Variants in CPAMD8 observed in about 807,000 individuals in gnomAD.
CPAMD8 encodes C3 and PZP-like alpha-2-macroglobulin domain-containing protein 8.
In CPAMD8, 146 loss-of-function variants were observed where a neutral mutation model predicts 224.7. The ratio of observed to expected loss-of-function variants is 0.65; its 90% CI spans 0.57 to 0.75. CPAMD8 has a LOEUF of 0.75. Among genes scored for constraint, CPAMD8 ranks in the 30% least tolerant of loss-of-function variants. The pLI is 0.00. For missense variants in CPAMD8, 2,301 were observed against 2,537.5 expected, an observed-to-expected ratio of 0.91 and a Z score of 2.00; for synonymous variants, 966 against 1,044.6, an observed-to-expected ratio of 0.92 and a Z score of 1.45.
chr19:16,971,764 T>C lies in CPAMD8; in HGVS notation c.2071-731A>G, dbSNP rs557359481. On this transcript the variant is annotated intron_variant, in intron 17 of 41. Transcript: ENST00000443236. Reference sequence around the variant, plus strand: ...AATTTCATCTCGATTAGAAAAATCATGGCCAGGCATAGTGGCACATGCCTG... The same window carrying C: ...AATTTCATCTCGATTAGAAAAATCACGGCCAGGCATAGTGGCACATGCCTG... Among the ~76,000 whole-genome samples, 235 of 152,234 alleles carry C rather than the reference T, an allele frequency of 1.5e-3. 1 individual carries two copies. Among genetic ancestry groups the C allele is most frequent in the African/African-American group, 5.1e-3 (214 of 41,558 alleles).
At chr19:16,917,973 C>T (rs2053024362) in intron 27 of CPAMD8, among the ~76,000 whole-genome samples, 1 of 152,094 alleles carries the variant, frequency 6.6e-6, no homozygotes, top group Admixed American at 6.6e-5. Flanking sequence ...ATATAACCGA[C>T]ACATATCCTC....
chr19:16,901,213 C>T lies in CPAMD8; in HGVS notation c.4770G>A (p.Glu1590=). 1 of 1,607,920 alleles carries T rather than the reference C, an allele frequency of 6.2e-7. No individual in the cohort carries two copies. Among genetic ancestry groups the T allele is most frequent in the Non-Finnish European group, 8.5e-7 (1 of 1,177,318 alleles). Residue 1590 remains glutamate (E), a synonymous_variant, in exon 36 of 42, where the codon GAG becomes GAA. Coordinates refer to ENST00000443236, the MANE Select transcript of CPAMD8 (RefSeq NM_015692.5). ...CTGCTCACCGGCGCTGCCTCACCTGCTCCAGGCTCTCGATGTCTGCCCGGA... is the reference window on the plus strand; with the variant it reads ...CTGCTCACCGGCGCTGCCTCACCTGTTCCAGGCTCTCGATGTCTGCCCGGA... ...SGFRADIESL[E]QLLLDKHMGM...
intron 22 of CPAMD8, among the ~76,000 whole-genome samples, chr19:16,944,467 A>G (rs2054005415): frequency 1.3e-5 from 2 of 152,110 alleles, no homozygotes; most frequent in African/African-American, 4.8e-5. Flanking sequence ...TCCCTTCTGT[A>G]AGGGGAGGAG....
At chr19:17,016,702 G>A (rs2056820964) in intron 3 of CPAMD8, among the ~76,000 whole-genome samples, 1 of 152,130 alleles carries the variant, frequency 6.6e-6, no homozygotes, top group Non-Finnish European at 1.5e-5. Context: ...AGAGGTTGCA[G>A]TGAGCTGAGA....
At chr19:16,936,445 C>T (rs1456171845) in intron 23 of CPAMD8, among the ~76,000 whole-genome samples, 2 of 151,960 alleles carry the variant, frequency 1.3e-5, no homozygotes, top group Admixed American at 1.3e-4. Context: ...TTCTGTCACC[C>T]AGGCTGGAGT....
At chr19:16,942,281 G>A (rs1568504224) in intron 22 of CPAMD8, among the ~76,000 whole-genome samples, 1 of 152,168 alleles carries the variant, frequency 6.6e-6, no homozygotes, top group African/African-American at 2.4e-5. Context: ...GGCCAACATG[G>A]TGAAACCCCG....
At chr19:16,923,025 C>A (rs1173080270) in intron 26 of CPAMD8, among the ~76,000 whole-genome samples, 1 of 152,248 alleles carries the variant, frequency 6.6e-6, no homozygotes, top group East Asian at 1.9e-4. Flanking sequence ...CCCCCACAGC[C>A]CTCTGTCCCC....
At position 16,898,312 on chromosome 19, in the gene CPAMD8, T is replaced by A. The variant is rs1007445911; in HGVS notation, c.4849-318A>T. On this transcript the variant is annotated intron_variant, in intron 37 of 41. Transcript: ENST00000443236. This position sits in a 1 kb window ranked among gnomAD's most constrained non-coding sequence, Gnocchi z 4.2. ...GGCGCCCACCACCGCACCCTGCTAA[T>A]TTTTTGTATTTTTGATCAAGACGGA... 1.8e-4 allele frequency among the ~76,000 whole-genome samples: 27 copies of A among 151,642 alleles called. No individual in the cohort carries two copies. The highest frequency in any genetic ancestry group is 6.3e-4 in the African/African-American group (26 of 41,150).
At chr19:17,008,722 A>G (rs1447412742) in intron 6 of CPAMD8, 163 bp from the exon 7 acceptor site, 1 of 813,452 alleles carries the variant, frequency 1.2e-6, no homozygotes, top group African/African-American at 1.7e-5. Flanking sequence ...AGCTCTGGAT[A>G]GAGAAGGATT....
intron 27 of CPAMD8, among the ~76,000 whole-genome samples, chr19:16,915,119 C>A (rs2052898228): frequency 6.6e-6 from 1 of 152,218 alleles, no homozygotes; most frequent in Non-Finnish European, 1.5e-5. Context: ...CCCTGCCTGT[C>A]CTGCCATGTG....
At chr19:16,902,122 G>A (rs2052282795) in intron 35 of CPAMD8, among the ~76,000 whole-genome samples, 1 of 152,056 alleles carries the variant, frequency 6.6e-6, no homozygotes, top group Non-Finnish European at 1.5e-5. Flanking sequence ...TGGTGTTATC[G>A]GGCAGGGACC....
chr19:17,013,058 G>A (rs2056705146), intron 3 of CPAMD8, among the ~76,000 whole-genome samples: 1 of 151,962 alleles, frequency 6.6e-6, no homozygotes, highest in African/African-American at 2.4e-5. Context: ...GTGGGCACCT[G>A]TAATCCCAGC....
At chr19:16,959,274 A>T (rs1472396959) in intron 18 of CPAMD8, among the ~76,000 whole-genome samples, 2 of 151,618 alleles carry the variant, frequency 1.3e-5, no homozygotes, top group Non-Finnish European at 2.9e-5. Context: ...CCCAGGTTCA[A>T]GTGATTCTCA....
At chr19:16,968,009 G>A (rs371351212) in intron 18 of CPAMD8, among the ~76,000 whole-genome samples, 2 of 145,192 alleles carry the variant, frequency 1.4e-5, no homozygotes, top group South Asian at 2.3e-4. Context: ...TGATTTTGAA[G>A]GCATTTCTTA....
chr19:16,951,415 G>C (rs1166221808), intron 20 of CPAMD8, among the ~76,000 whole-genome samples: 3 of 152,158 alleles, frequency 2.0e-5, no homozygotes, highest in Admixed American at 6.5e-5. Flanking sequence ...AAATTCTATG[G>C]AGTTCGGATT....
At chr19:16,940,626 T>C (rs556725345) in intron 22 of CPAMD8, among the ~76,000 whole-genome samples, 1 of 152,338 alleles carries the variant, frequency 6.6e-6, no homozygotes, top group African/African-American at 2.4e-5. Context: ...GTGTCTATAC[T>C]GATGAGTCCA....
Position 16,904,277 on chromosome 19 carries a change from C to T in CPAMD8, c.4200G>A (p.Val1400=). The part of the protein sequence containing the change: ...LGDVAAALPV[V]KWLSQQRNAL... ...CATTTCGCTGCTGGGACAGCCACTT[C>T]ACCACAGGCAGGGCGGCAGCCACGT... is the stretch of plus-strand genomic sequence containing the variant. Residue 1400 remains valine (V), a synonymous_variant, in exon 32 of 42, where the codon GTG becomes GTA. Coordinates refer to ENST00000443236, the MANE Select transcript of CPAMD8 (RefSeq NM_015692.5). 2 of 1,609,812 alleles carry T rather than the reference C, an allele frequency of 1.2e-6. No homozygotes were observed. The highest frequency in any genetic ancestry group is 1.7e-6 in the Non-Finnish European group (2 of 1,177,738).
chr19:17,001,240 T>C (rs915852916), intron 9 of CPAMD8, among the ~76,000 whole-genome samples: 2 of 145,204 alleles, frequency 1.4e-5, no homozygotes, highest in African/African-American at 5.2e-5. Flanking sequence ...GGAGAATCAA[T>C]TGAGCCCGGT....
intron 20 of CPAMD8, 133 bp from the exon 21 acceptor site, chr19:16,947,360 G>A (rs1296386591): frequency 1.5e-5 from 17 of 1,138,510 alleles, no homozygotes; most frequent in African/African-American, 3.2e-5. Flanking sequence ...TGCTCCCCCC[G>A]GGAAGGTCCC....
Sources: allele counts gnomAD v4.1 joint callset (sites outside exome capture counted in the v4.1 genomes callset), GRCh38; gene constraint gnomAD v4.1.1; non-coding constraint Gnocchi (gnomAD v3.1); transcripts MANE v1.5; gene names NCBI Gene and HGNC (gene_info 2026-07-23, HGNC 2026-07-21).